RNF150: variants seen among roughly 807,000 people sequenced by gnomAD.
The protein encoded by RNF150 is ring finger protein 150.
A neutral mutation model predicts 39.3 loss-of-function variants in RNF150; 24 were observed. That is an observed-to-expected ratio of 0.61 (90% CI 0.44 to 0.86). The LOEUF is 0.86. Among genes scored for constraint, RNF150 ranks in the 40% least tolerant of loss-of-function variants. The pLI is 0.00. For missense variants in RNF150, 502 were observed against 587.8 expected, an observed-to-expected ratio of 0.85 and a Z score of 1.51; for synonymous variants, 255 against 227.3, an observed-to-expected ratio of 1.12 and a Z score of -1.10.
chr4:141,053,446 T>C (rs1025474241), intron 1 of RNF150, among the ~76,000 whole-genome samples: 3 of 151,966 alleles, frequency 2.0e-5, no homozygotes, highest in African/African-American at 7.3e-5. Flanking sequence ...GATATATGAG[T>C]TGGTATAATA....
intron 1 of RNF150, among the ~76,000 whole-genome samples, chr4:140,995,546 T>C (rs1734334495): frequency 6.6e-6 from 1 of 152,176 alleles, no homozygotes; most frequent in Non-Finnish European, 1.5e-5. Context: ...TAAACTGACA[T>C]GGCACAATGG....
intron 1 of RNF150, among the ~76,000 whole-genome samples, chr4:141,183,444 G>A (rs188523431): frequency 1.8e-3 from 268 of 152,200 alleles, no homozygotes; most frequent in African/African-American, 6.3e-3. Flanking sequence ...ACAGTATGAG[G>A]CAAAAGTGAG....
intron 6 of RNF150, among the ~76,000 whole-genome samples, chr4:140,906,506 T>C (rs1730381340): frequency 6.6e-6 from 1 of 152,184 alleles, no homozygotes; most frequent in Non-Finnish European, 1.5e-5. Context: ...GGGGGTATCA[T>C]GGAACAAATT....
intron 1 of RNF150, among the ~76,000 whole-genome samples, chr4:141,047,204 A>AGCTAGTTTAGAAAAACTAGCTTTACTT (rs1351614206): frequency 3.5e-4 from 54 of 152,278 alleles, no homozygotes; most frequent in African/African-American, 1.3e-3. Flanking sequence ...ATATTTAGAA[A>AGCTAGTTTAGAAAAACTAGCTTTACTT]GCTAGTTTAG....
chr4:141,077,139 T>A (rs947445553), intron 1 of RNF150, among the ~76,000 whole-genome samples: 1 of 152,180 alleles, frequency 6.6e-6, no homozygotes, highest in Non-Finnish European at 1.5e-5. Context: ...CAATGTGTTA[T>A]ACCCACTCAA....
In RNF150 at chr4:141,152,772, C is replaced by G. The variant is rs997492510; in HGVS notation, c.-6+60022G>C. ...TGTTAGATAAACTTCACTTTACACA[C>G]ATATGTAACATCATATAATGGGAAG... On this transcript the variant is annotated intron_variant, in intron 1 of 7. Transcript: ENST00000420921. 5.7e-4 allele frequency among the ~76,000 whole-genome samples: 87 copies of G among 152,282 alleles called. 1 individual carries two copies. Among genetic ancestry groups the G allele is most frequent in the African/African-American group, 2.0e-3 (84 of 41,554 alleles).
intron 1 of RNF150, among the ~76,000 whole-genome samples, chr4:141,006,420 T>G (rs561655970): frequency 6.6e-6 from 1 of 152,178 alleles, no homozygotes; most frequent in South Asian, 2.1e-4. Flanking sequence ...AGCAGTAAAA[T>G]TGATCAACAA....
intron 1 of RNF150, among the ~76,000 whole-genome samples, chr4:141,138,763 G>C (rs748914508): frequency 7.2e-5 from 11 of 152,108 alleles, no homozygotes; most frequent in Non-Finnish European, 1.5e-4. Context: ...TCTTCAAAGT[G>C]GAGTGATTAC....
intron 6 of RNF150, among the ~76,000 whole-genome samples, chr4:140,892,099 C>T (rs971976823): frequency 2.6e-5 from 4 of 152,156 alleles, no homozygotes; most frequent in Non-Finnish European, 5.9e-5. Flanking sequence ...GTAAATGCTA[C>T]CTAAATAGTT....
At chr4:141,053,666 C>G in intron 1 of RNF150, 1 of 1,379,030 alleles carries the variant, frequency 7.3e-7, no homozygotes, top group African/African-American at 1.5e-5. Context: ...TAAAGCATAC[C>G]TGAGGAAAGG....
At chr4:141,158,294 A>C (rs1727449776) in intron 1 of RNF150, among the ~76,000 whole-genome samples, 1 of 152,082 alleles carries the variant, frequency 6.6e-6, no homozygotes, top group Non-Finnish European at 1.5e-5. Flanking sequence ...CCATCCAAAA[A>C]CAAAAACAAA....
chr4:140,917,483 GAACT>G (rs990306035), intron 5 of RNF150, among the ~76,000 whole-genome samples: 2 of 152,172 alleles, frequency 1.3e-5, no homozygotes, highest in Non-Finnish European at 2.9e-5. Context: ...TCAACAAGAA[GAACT>G]AACTAACCTA....
At chr4:141,188,061 G>A (rs1728044072) in intron 1 of RNF150, among the ~76,000 whole-genome samples, 1 of 152,122 alleles carries the variant, frequency 6.6e-6, no homozygotes, top group South Asian at 2.1e-4. Flanking sequence ...AAATCCCTCA[G>A]CATTTGCTTG....
intron 1 of RNF150, among the ~76,000 whole-genome samples, chr4:141,059,412 C>A (rs984306354): frequency 6.6e-6 from 1 of 152,138 alleles, no homozygotes; most frequent in Non-Finnish European, 1.5e-5. Context: ...ATGGAATGTT[C>A]TCTTGCCTAT....
At chr4:141,066,730 A>G (rs1341321989) in intron 1 of RNF150, among the ~76,000 whole-genome samples, 1 of 152,236 alleles carries the variant, frequency 6.6e-6, no homozygotes, top group Non-Finnish European at 1.5e-5. Context: ...ACTGACGTAA[A>G]TTAATATAAA....
At chr4:140,983,792 T>C (rs1447711905) in intron 1 of RNF150, among the ~76,000 whole-genome samples, 1 of 150,778 alleles carries the variant, frequency 6.6e-6, no homozygotes, top group Non-Finnish European at 1.5e-5. Flanking sequence ...CAGGCTGAAG[T>C]GCAGTGGCAC....
chr4:141,077,364 T>A (rs1156800682), intron 1 of RNF150, among the ~76,000 whole-genome samples: 2 of 152,178 alleles, frequency 1.3e-5, no homozygotes, highest in Non-Finnish European at 2.9e-5. Flanking sequence ...TATATTATGT[T>A]AAGTAGAAGA....
At chr4:141,198,519 C>T (rs1042403562) in intron 1 of RNF150, among the ~76,000 whole-genome samples, 133 of 152,284 alleles carry the variant, frequency 8.7e-4, no homozygotes, top group Non-Finnish European at 4.3e-4. Context: ...AAAAGGTGAA[C>T]ATATGATTCC....
rs571342822 is a variant in RNF150 at position 140,956,803 on chromosome 4, G to A, written c.736-7431C>T. 4.9e-3 allele frequency among the ~76,000 whole-genome samples: 749 copies of A among 152,198 alleles called. 5 individuals are homozygous for A. The highest frequency in any genetic ancestry group is 8.7e-3 in the Non-Finnish European group (593 of 68,004). ...AAACCTGAGAAAAACAAGCAATGGG[G>A]AAAGGATTCCCTATTTAATAAATGG... On this transcript the variant is annotated intron_variant, in intron 2 of 6. Coordinates refer to ENST00000515673, the MANE Select transcript of RNF150 (RefSeq NM_020724.2).
Sources: allele counts gnomAD v4.1 joint callset (sites outside exome capture counted in the v4.1 genomes callset), GRCh38; gene constraint gnomAD v4.1.1; transcripts MANE v1.5; gene names NCBI Gene and HGNC (gene_info 2026-07-23, HGNC 2026-07-21).